LOX: variants seen among roughly 807,000 people sequenced by gnomAD.
The protein encoded by LOX is lysyl oxidase, also known as protein-lysine 6-oxidase.
Under a neutral mutation model 50.5 loss-of-function variants are expected in LOX, and 12 were observed. The ratio of observed to expected loss-of-function variants is 0.24; its 90% CI spans 0.15 to 0.38. The LOEUF (loss-of-function observed/expected upper bound fraction) is 0.38. Ranked by LOEUF, LOX falls within the 10% of genes least tolerant of loss-of-function variation. The pLI, the probability that LOX is intolerant of heterozygous loss-of-function variation, is 1.00. For missense variants in LOX, 504 were observed against 563.8 expected (o/e 0.89, Z 1.07); for synonymous variants, 254 against 230.6 (o/e 1.10, Z -0.92).
intron 4 of LOX, 56 bp downstream of exon 4, chr5:122,073,957 A>C (rs1754533316): frequency 6.6e-7 from 1 of 1,510,966 alleles, no homozygotes; most frequent in Non-Finnish European, 9.2e-7. Context: ...AACTAACGGT[A>C]GATGACCCGT....
At chr5:122,066,871 A>T in intron 6 of LOX, 122 bp from the exon 7 acceptor site, 1 of 659,068 alleles carries the variant, frequency 1.5e-6, no homozygotes, top group Non-Finnish European at 2.8e-6. Flanking sequence ...CCACCTAAGC[A>T]GCAATCATGT....
rs1754252844 is a variant in LOX at position 122,064,716 on chromosome 5, G to A, written c.*2027C>T. 6.6e-6 allele frequency: 1 copy of A among 151,962 alleles called. No individual in the cohort carries two copies. The highest frequency in any genetic ancestry group is 1.5e-5 in the Non-Finnish European group (1 of 67,924). The allele number at this position is 151,962 out of a possible 1,614,324, so 9.4% of individuals were successfully genotyped here. On this transcript the variant is annotated 3_prime_UTR_variant, in exon 7 of 7. Coordinates refer to ENST00000231004, the MANE Select transcript of LOX (RefSeq NM_002317.7). ...TTAATACTTATTGAGGTTATAGACA[G>A]TCTTTTTTATGTCTCAATGCATACC...
chr5:122,077,899 C>T lies in LOX; in HGVS notation c.87G>A (p.Gln29=), dbSNP rs749641467. Reference sequence around the variant, plus strand: ...CCGCCGGCGGCTCGCGCGGGGGCTGCTGTTGGCCGGCGGCGGGAGGGGCGC... The same window carrying T: ...CCGCCGGCGGCTCGCGCGGGGGCTGTTGTTGGCCGGCGGCGGGAGGGGCGC... The part of the protein sequence containing the change: ...VHCAPPAAGQ[Q]QPPREPPAAP... Residue 29 remains glutamine (Q), a synonymous_variant, in exon 1 of 7, where the codon CAG becomes CAA. Coordinates refer to ENST00000231004, the MANE Select transcript of LOX (RefSeq NM_002317.7). This position sits in a 1 kb window ranked among gnomAD's most constrained non-coding sequence, Gnocchi z 4.9. 2.6e-6 allele frequency: 4 copies of T among 1,519,678 alleles called. No individual in the cohort carries two copies. In the Admixed American group the frequency reaches 9.5e-5, roughly 36 times the overall value. 94.1% of individuals were successfully genotyped at this position (1,519,678 alleles called of 1,614,324 possible). A position where few individuals can be genotyped will look rare whatever the true frequency, so the allele number is the denominator to read the frequency against.
At chr5:122,069,253 CA>C (rs1754386395) in intron 6 of LOX, among the ~76,000 whole-genome samples, 1 of 152,048 alleles carries the variant, frequency 6.6e-6, no homozygotes, top group African/African-American at 2.4e-5. Context: ...AGTGACAAAG[CA>C]AAGCTGATGA....
intron 3 of LOX, 79 bp from the exon 4 acceptor site, chr5:122,074,248 T>C: frequency 8.1e-7 from 1 of 1,232,210 alleles, no homozygotes; most frequent in South Asian, 1.5e-5. Context: ...ACTTCCCCCA[T>C]GGCTTCACAA....
intron 6 of LOX, among the ~76,000 whole-genome samples, chr5:122,068,193 A>AG (rs1754351831): frequency 6.6e-6 from 1 of 151,466 alleles, no homozygotes; most frequent in African/African-American, 2.4e-5. Context: ...AAAAAAAAAA[A>AG]AAAATTCAAC....
rs1383826431 is a variant in LOX at position 122,076,888 on chromosome 5, C to T, written c.740+5G>A. 6.2e-7 allele frequency: 1 copy of T among 1,613,748 alleles called. No homozygotes were observed. Among genetic ancestry groups the T allele is most frequent in the South Asian group, 1.1e-5 (1 of 91,078 alleles). ...GAGCGGGGCCTCAGACATATCAGCC[C>T]GTACCTGGCCAGACAGTTTTCCTCC... On this transcript the variant is annotated splice_donor_5th_base_variant and intron_variant, in intron 2 of 6. Transcript: ENST00000231004.
At chr5:122,067,626 T>C (rs994549575) in intron 6 of LOX, among the ~76,000 whole-genome samples, 4 of 152,102 alleles carry the variant, frequency 2.6e-5, no homozygotes, top group African/African-American at 9.7e-5. Flanking sequence ...GCCTCCAGAA[T>C]AAATTTTAGC....
chr5:122,078,173 C>A lies in LOX; in HGVS notation c.-188G>T. 2.0e-6 allele frequency: 1 copy of A among 487,874 alleles called. No individual in the cohort carries two copies. Among genetic ancestry groups the A allele is most frequent in the Non-Finnish European group, 3.4e-6 (1 of 295,264 alleles). 30.2% of individuals were successfully genotyped at this position (487,874 alleles called of 1,614,324 possible). ...CCCTTCCCCAGTCAAGGCGGCTGCT[C>A]GGACGTGGCACCCTTCCCTTTCCCC... On this transcript the variant is annotated 5_prime_UTR_variant, in exon 1 of 7. Coordinates refer to ENST00000231004, the MANE Select transcript of LOX (RefSeq NM_002317.7).
intron 6 of LOX, among the ~76,000 whole-genome samples, chr5:122,068,174 T>TAAAAAAAAA (rs10650287): frequency 1.7e-5 from 2 of 115,880 alleles, no homozygotes; most frequent in Non-Finnish European, 1.7e-5. Context: ...TAATAACTAG[T>TAAAAAAAAA]AAAAAAAAAA....
At chr5:122,071,474 G>T (rs929802071) in intron 4 of LOX, among the ~76,000 whole-genome samples, 1 of 152,044 alleles carries the variant, frequency 6.6e-6, no homozygotes, top group African/African-American at 2.4e-5. Context: ...ATTGATGAAT[G>T]CCACATCACT....
intron 6 of LOX, among the ~76,000 whole-genome samples, chr5:122,068,938 G>A (rs1754377225): frequency 1.3e-5 from 2 of 151,416 alleles, no homozygotes; most frequent in East Asian, 3.9e-4. Flanking sequence ...CTGGCGGTGG[G>A]GGTCGGGGGT....
At position 122,070,281 on chromosome 5, in the gene LOX, G is replaced by T. The variant is rs2303656; in HGVS notation, c.1132-113C>A. On this transcript the variant is annotated intron_variant, in intron 5 of 6. Transcript: ENST00000231004. Reference sequence around the variant, plus strand: ...AGGGAAGGGATTTTAACTTAAGTAAGTGGTTAAACTCTGGAGACGTTATGG... The same window carrying T: ...AGGGAAGGGATTTTAACTTAAGTAATTGGTTAAACTCTGGAGACGTTATGG... 8.2e-3 allele frequency: 5,795 copies of T among 709,362 alleles called. 176 individuals are homozygous for T. The highest frequency in any genetic ancestry group is 0.06 in the East Asian group (2,340 of 39,152). 43.9% of individuals were successfully genotyped at this position (709,362 alleles called of 1,614,324 possible). A position where few individuals can be genotyped will look rare whatever the true frequency, so the allele number is the denominator to read the frequency against.
At chr5:122,070,399 G>T in intron 5 of LOX, 95 bp downstream of exon 5, 3 of 707,668 alleles carry the variant, frequency 4.2e-6, no homozygotes, top group Non-Finnish European at 7.4e-6. Flanking sequence ...ATGTATAATT[G>T]CTTCCAATAC....
chr5:122,072,549 G>A (rs1754479653), intron 4 of LOX, among the ~76,000 whole-genome samples: 1 of 152,122 alleles, frequency 6.6e-6, no homozygotes, highest in South Asian at 2.1e-4. Flanking sequence ...GTTATACCTA[G>A]TTTTATGCTT....
chr5:122,069,042 T>C (rs17352491), intron 6 of LOX, among the ~76,000 whole-genome samples: 4,345 of 152,272 alleles, frequency 0.029, 97 homozygotes, highest in Non-Finnish European at 0.042. Flanking sequence ...TATGTGACTC[T>C]GTTTTTTCAG....
chr5:122,069,850 T>C, intron 6 of LOX: 2 of 569,720 alleles, frequency 3.5e-6, no homozygotes, highest in Non-Finnish European at 6.6e-6. Context: ...AAGCTTCTCC[T>C]GAAAACTAAA....
Position 122,077,525 on chromosome 5 carries a change from A to G in LOX, c.461T>C (p.Leu154Pro), listed in dbSNP as rs1754673411. The G allele has an allele frequency of 1.9e-6, 3 of 1,613,652 alleles. No homozygotes were observed. Among genetic ancestry groups the G allele is most frequent in the Admixed American group, 3.3e-5 (2 of 60,006 alleles). ...NQTAPGEVPA[L>P]SNLRPPSRVD... ...GCGGCTGGGCGGCCGCAGGTTACTG[A>G]GCGCAGGAACTTCTCCCGGCGCTGT... The change falls in exon 1 of 7, where the codon CTC becomes CCC. Residue 154 changes from leucine to proline, a missense_variant. Leu to Pro is a moderately conservative substitution (Grantham distance 98). Coordinates refer to ENST00000231004, the MANE Select transcript of LOX (RefSeq NM_002317.7). The surrounding 1 kb of genome is among the most constrained non-coding windows in gnomAD (Gnocchi z 4.9).
intron 6 of LOX, among the ~76,000 whole-genome samples, chr5:122,069,149 T>G (rs1199990663): frequency 6.6e-6 from 1 of 152,122 alleles, no homozygotes; most frequent in Non-Finnish European, 1.5e-5. Flanking sequence ...AAGTCCTGGG[T>G]TTTTGTATCA....
Sources: allele counts gnomAD v4.1 joint callset (sites outside exome capture counted in the v4.1 genomes callset), GRCh38; gene constraint gnomAD v4.1.1; non-coding constraint Gnocchi (gnomAD v3.1); transcripts MANE v1.5; gene names NCBI Gene and HGNC (gene_info 2026-07-23, HGNC 2026-07-21).